LRRC4C: variants seen among roughly 807,000 people sequenced by gnomAD.
LRRC4C encodes the protein leucine rich repeat containing 4C.
Under a neutral mutation model 33.6 loss-of-function variants are expected in LRRC4C, and 5 were observed. The observed-to-expected ratio is 0.15, with a 90% CI of 0.08 to 0.31. The LOEUF (loss-of-function observed/expected upper bound fraction) is 0.31, where lower values mean the gene tolerates loss of function less well. Ranked by LOEUF, LRRC4C falls within the 10% of genes least tolerant of loss-of-function variation. The probability of loss-of-function intolerance (pLI) is 1.00; values close to 1 mark genes in which losing one functional copy is unlikely to be tolerated. For missense variants in LRRC4C, 560 were observed against 796.7 expected, an observed-to-expected ratio of 0.70 and a Z score of 3.58; for synonymous variants, 329 against 302.0, an observed-to-expected ratio of 1.09 and a Z score of -0.93.
intron 1 of LRRC4C, among the ~76,000 whole-genome samples, chr11:41,047,017 GC>G (rs1857821113): frequency 1.3e-5 from 2 of 151,930 alleles, no homozygotes; most frequent in Admixed American, 6.6e-5. Context: ...AATTAATTAG[GC>G]TTTATCAAAA....
intron 3 of LRRC4C, among the ~76,000 whole-genome samples, chr11:40,429,778 G>T (rs948733478): frequency 1.3e-5 from 2 of 152,278 alleles, no homozygotes; most frequent in South Asian, 4.1e-4. Flanking sequence ...CACCATAGGA[G>T]ATTTTAGCCA....
intron 1 of LRRC4C, among the ~76,000 whole-genome samples, chr11:41,279,343 C>T (rs1466160409): frequency 6.7e-6 from 1 of 149,338 alleles, no homozygotes; most frequent in African/African-American, 2.5e-5. Context: ...AAGAATACCA[C>T]TCATCTCTCA....
chr11:40,257,993 T>A (rs1185362079), intron 4 of LRRC4C, among the ~76,000 whole-genome samples: 1 of 152,198 alleles, frequency 6.6e-6, no homozygotes, highest in Non-Finnish European at 1.5e-5. Context: ...GGTATATGCC[T>A]CTGTAATAGG....
intron 1 of LRRC4C, among the ~76,000 whole-genome samples, chr11:41,035,137 C>A (rs750645687): frequency 4.0e-4 from 60 of 150,924 alleles, no homozygotes; most frequent in Non-Finnish European, 7.7e-4. Flanking sequence ...TTGCAGCGAG[C>A]CGATATTGTG....
intron 1 of LRRC4C, among the ~76,000 whole-genome samples, chr11:41,381,647 G>A (rs2939754): frequency 7.4e-5 from 11 of 149,430 alleles, no homozygotes; most frequent in African/African-American, 9.8e-5. Context: ...AAAGAAAAAA[G>A]AAAGATGGAA....
chr11:40,169,752 A>T (rs1465153452), intron 5 of LRRC4C, among the ~76,000 whole-genome samples: 1 of 152,152 alleles, frequency 6.6e-6, no homozygotes, highest in Non-Finnish European at 1.5e-5. Context: ...CTAGTATTCC[A>T]CTTAAAAAAA....
intron 1 of LRRC4C, among the ~76,000 whole-genome samples, chr11:41,089,234 C>T (rs1055518466): frequency 6.6e-6 from 1 of 151,846 alleles, no homozygotes; most frequent in African/African-American, 2.4e-5. Flanking sequence ...TGTTTATATC[C>T]TTATATATGG....
chr11:40,400,193 C>T (rs56373904), intron 3 of LRRC4C, among the ~76,000 whole-genome samples: 1 of 152,182 alleles, frequency 6.6e-6, no homozygotes, highest in African/African-American at 2.4e-5. Context: ...TACTCACTAT[C>T]CATGGCACAC....
At chr11:41,418,221 GAC>G (rs1265862882) in intron 1 of LRRC4C, among the ~76,000 whole-genome samples, 2 of 151,856 alleles carry the variant, frequency 1.3e-5, no homozygotes, top group Non-Finnish European at 2.9e-5. Context: ...TTAACCCTGA[GAC>G]ACAAATATAA....
At chr11:41,011,779 C>G (rs1388233572) in intron 1 of LRRC4C, among the ~76,000 whole-genome samples, 1 of 120,760 alleles carries the variant, frequency 8.3e-6, no homozygotes, top group Non-Finnish European at 1.7e-5. Flanking sequence ...TCCTGAAAAT[C>G]TCTAGTTTGC....
intron 3 of LRRC4C, among the ~76,000 whole-genome samples, chr11:40,580,525 G>A (rs1958423272): frequency 6.6e-6 from 1 of 152,084 alleles, no homozygotes; most frequent in Non-Finnish European, 1.5e-5. Flanking sequence ...TGACCTTAGG[G>A]AGAAATTATT....
intron 1 of LRRC4C, among the ~76,000 whole-genome samples, chr11:41,032,851 T>C (rs1856808109): frequency 6.6e-6 from 1 of 152,106 alleles, no homozygotes; most frequent in Non-Finnish European, 1.5e-5. Context: ...TAATTTCATT[T>C]TGTTGATCCA....
intron 2 of LRRC4C, among the ~76,000 whole-genome samples, chr11:40,656,104 G>C (rs1943096177): frequency 6.6e-6 from 1 of 152,108 alleles, no homozygotes; most frequent in Non-Finnish European, 1.5e-5. Flanking sequence ...GGGACACAGA[G>C]CCAAACCATA....
chr11:40,794,431 A>G (rs1950747027), intron 2 of LRRC4C, among the ~76,000 whole-genome samples: 1 of 151,262 alleles, frequency 6.6e-6, no homozygotes, highest in Non-Finnish European at 1.5e-5. Flanking sequence ...GGATAAAGGA[A>G]TGCTCAGACA....
chr11:40,422,932 TAAATA>T (rs1293125835), intron 3 of LRRC4C, among the ~76,000 whole-genome samples: 15 of 148,820 alleles, frequency 1.0e-4, no homozygotes, highest in African/African-American at 3.8e-4. Context: ...AAAATTAAAT[TAAATA>T]AATTTAAATT....
At chr11:40,127,047 GGT>G (rs1385331590) in intron 6 of LRRC4C, among the ~76,000 whole-genome samples, 1 of 152,062 alleles carries the variant, frequency 6.6e-6, no homozygotes, top group Non-Finnish European at 1.5e-5. Context: ...TGGAAGCCAA[GGT>G]GGGCAGATCA....
intron 1 of LRRC4C, among the ~76,000 whole-genome samples, chr11:40,983,946 T>A (rs1852726153): frequency 6.6e-6 from 1 of 152,142 alleles, no homozygotes; most frequent in African/African-American, 2.4e-5. Flanking sequence ...TGAGGAATTT[T>A]AAATTTAATT....
chr11:40,144,523 G>A (rs968008431), intron 5 of LRRC4C, among the ~76,000 whole-genome samples: 5 of 152,104 alleles, frequency 3.3e-5, no homozygotes, highest in African/African-American at 9.7e-5. Flanking sequence ...ATAGCACTTT[G>A]TTGAAAGGTC....
chr11:40,487,021 A>G (rs911354401), intron 3 of LRRC4C, among the ~76,000 whole-genome samples: 1 of 152,074 alleles, frequency 6.6e-6, no homozygotes, highest in African/African-American at 2.4e-5. Flanking sequence ...GATAGGGTTA[A>G]GAAAAGTTAT....
Sources: gnomAD v4.1 joint callset for allele counts (sites outside exome capture counted in the v4.1 genomes callset) on GRCh38, gnomAD v4.1.1 for gene constraint, MANE v1.5 for transcripts, NCBI Gene and HGNC (gene_info 2026-07-23, HGNC 2026-07-21) for gene names.